TSPAN3: variants seen among roughly 807,000 people sequenced by gnomAD.
TSPAN3 encodes tetraspanin 3, also known as tetraspanin-3.
Under a neutral mutation model 31.1 loss-of-function variants are expected in TSPAN3, and 9 were observed. The observed-to-expected ratio is 0.29, with a 90% CI of 0.17 to 0.50. The LOEUF (loss-of-function observed/expected upper bound fraction) is 0.50, where lower values mean the gene tolerates loss of function less well. Ranked by LOEUF, TSPAN3 falls within the 20% of genes least tolerant of loss-of-function variation. The pLI is 0.98. For synonymous variants in TSPAN3, 129 were observed against 114.3 expected (o/e 1.13, Z -0.82); for missense variants, 252 against 313.5 (o/e 0.80, Z 1.48).
At chr15:77,048,574 T>C (rs1048066530) in intron 6 of TSPAN3, among the ~76,000 whole-genome samples, 2 of 152,206 alleles carry the variant, frequency 1.3e-5, no homozygotes, top group Admixed American at 6.5e-5. Context: ...AAGCTCTACA[T>C]AATAATTTCT....
chr15:77,058,315 C>A (rs2076780811), intron 1 of TSPAN3, among the ~76,000 whole-genome samples: 1 of 152,208 alleles, frequency 6.6e-6, no homozygotes, highest in Non-Finnish European at 1.5e-5. Context: ...TCTCATTACC[C>A]CTTGTGAACT....
At chr15:77,053,531 T>C (rs1437706018) in intron 4 of TSPAN3, among the ~76,000 whole-genome samples, 1 of 135,414 alleles carries the variant, frequency 7.4e-6, no homozygotes, top group East Asian at 2.4e-4. Flanking sequence ...CGGTAGTTTC[T>C]AACTAAGGAA....
chr15:77,070,991 G>T lies in TSPAN3; in HGVS notation c.-37C>A. ...CCCGCGAAGGCCCGGCCCGGAGAGCGGGGCTGCGCTCACCGAGAGAGCGGC... is the reference window on the plus strand; with the variant it reads ...CCCGCGAAGGCCCGGCCCGGAGAGCTGGGCTGCGCTCACCGAGAGAGCGGC... On this transcript the variant is annotated 5_prime_UTR_variant, in exon 1 of 7. Transcript: ENST00000267970. 1 of 1,371,708 alleles carries T rather than the reference G, an allele frequency of 7.3e-7. No individual in the cohort carries two copies. Among genetic ancestry groups the T allele is most frequent in the Non-Finnish European group, 9.5e-7 (1 of 1,052,748 alleles). 85.0% of individuals were successfully genotyped at this position (1,371,708 alleles called of 1,614,324 possible).
chr15:77,067,874 A>C (rs560431710), intron 1 of TSPAN3: 2 of 152,332 alleles, frequency 1.3e-5, no homozygotes, highest in East Asian at 1.9e-4. Flanking sequence ...AATCTTCTGA[A>C]ATCACACTTT....
Position 77,056,119 on chromosome 15 carries a change from A to G in TSPAN3, c.200T>C (p.Ile67Thr). The change falls in exon 2 of 7, where the codon ATT (isoleucine) becomes ACT (threonine). Residue 67 changes from isoleucine (I) to threonine (T), a missense_variant. Transcript: ENST00000267970. ...IIAVGALLFI[I>T]GLIGCCATIR... ...TGTGGCACAGCAGCCAATTAGCCCAATGATGAAAAGCAGGGCTCCTACAGC... is the reference window on the plus strand; with the variant it reads ...TGTGGCACAGCAGCCAATTAGCCCAGTGATGAAAAGCAGGGCTCCTACAGC... 6.2e-7 allele frequency: 1 copy of G among 1,612,736 alleles called. No individual in the cohort carries two copies. Among genetic ancestry groups the G allele is most frequent in the Non-Finnish European group, 8.5e-7 (1 of 1,179,584 alleles).
Position 77,055,977 on chromosome 15 carries a change from G to C in TSPAN3, c.255+87C>G. The C allele has an allele frequency of 8.6e-6, 13 of 1,518,302 alleles. No individual in the cohort carries two copies. In the South Asian group the frequency reaches 1.6e-4, roughly 18 times the overall value. The allele number at this position is 1,518,302 out of a possible 1,614,324, so 94.1% of individuals were successfully genotyped here. A position where few individuals can be genotyped will look rare whatever the true frequency, so the allele number is the denominator to read the frequency against. On this transcript the variant is annotated intron_variant, in intron 2 of 6. Coordinates refer to ENST00000267970, the MANE Select transcript of TSPAN3 (RefSeq NM_005724.6). The stretch of plus-strand genomic sequence containing the variant: ...TGCTAGAAGTTTAAATGTTAACTCT[G>C]TTCCAACTATAAGAGCCAAGGAGTC...
At position 77,054,200 on chromosome 15, in the gene TSPAN3, GC is replaced by G; in HGVS notation, c.409del (p.Ala137LeufsTer64). 1 of 1,613,812 alleles carries G rather than the reference GC, an allele frequency of 6.2e-7. No individual in the cohort carries two copies. The highest frequency in any genetic ancestry group is 8.5e-7 in the Non-Finnish European group (1 of 1,179,820). On this transcript the variant is annotated frameshift_variant, in exon 4 of 7. Transcript: ENST00000267970. LOFTEE classifies it high-confidence loss of function. The stretch of plus-strand genomic sequence containing the variant: ...CACCTGTCTCTGTACATAATCAATA[GC>G]CCGGCTAGCAGCATCAGGGTTGGTT... ...NGTNPDAASRAIDYVQRQLHC... is the reference protein window; with the variant it reads ...NGTNPDAASRXIDYVQRQLHC...
chr15:77,058,144 T>A (rs2076779609), intron 1 of TSPAN3, among the ~76,000 whole-genome samples: 1 of 152,192 alleles, frequency 6.6e-6, no homozygotes, highest in African/African-American at 2.4e-5. Flanking sequence ...TCCCCCTAAA[T>A]CTTACTTATT....
chr15:77,069,065 AG>A (rs1292317094), intron 1 of TSPAN3, among the ~76,000 whole-genome samples: 11 of 152,242 alleles, frequency 7.2e-5, no homozygotes, highest in Admixed American at 2.0e-4. Context: ...GCCAAGAAAT[AG>A]TATTCTTCTT....
Position 77,046,360 on chromosome 15 carries a change from T to A in TSPAN3, c.*475A>T, listed in dbSNP as rs1392349239. 1 of 401,368 alleles carries A rather than the reference T, an allele frequency of 2.5e-6. No homozygotes were observed. The highest frequency in any genetic ancestry group is 4.4e-6 in the Non-Finnish European group (1 of 227,494). 24.9% of individuals were successfully genotyped at this position (401,368 alleles called of 1,614,324 possible). On this transcript the variant is annotated 3_prime_UTR_variant, in exon 7 of 7. Coordinates refer to ENST00000267970, the MANE Select transcript of TSPAN3 (RefSeq NM_005724.6). Reference sequence around the variant, plus strand: ...CAGCTGCTATCTTATTGGACTACAGTAAATATTTTTTAAAAGGACACCAAT... The same window carrying A: ...CAGCTGCTATCTTATTGGACTACAGAAAATATTTTTTAAAAGGACACCAAT...
intron 1 of TSPAN3, among the ~76,000 whole-genome samples, chr15:77,056,572 G>A (rs528089893): frequency 2.2e-4 from 34 of 152,098 alleles, no homozygotes; most frequent in African/African-American, 7.5e-4. Flanking sequence ...CATCCAATAC[G>A]GATCAGTATG....
intron 6 of TSPAN3, among the ~76,000 whole-genome samples, chr15:77,052,147 G>T (rs748249293): frequency 1.3e-5 from 2 of 152,176 alleles, no homozygotes; most frequent in African/African-American, 2.4e-5. Flanking sequence ...ACAGTAAGAC[G>T]AGGAGTTCCC....
rs941408598 is a variant in TSPAN3, at chr15:77,053,501, A to T, written c.433-572T>A. On this transcript the variant is annotated intron_variant, in intron 4 of 6. Coordinates refer to ENST00000267970, the MANE Select transcript of TSPAN3 (RefSeq NM_005724.6). ...AAAAAAAAAAAAAAAAAAAGAAAAGAAAAGTACATTGCCTATAAGCGGTAG... is the reference window on the plus strand; with the variant it reads ...AAAAAAAAAAAAAAAAAAAGAAAAGTAAAGTACATTGCCTATAAGCGGTAG... Among the ~76,000 whole-genome samples the T allele has an allele frequency of 1.5e-4, 22 of 142,600 alleles. 2 individuals are homozygous for T. Among genetic ancestry groups the T allele is most frequent in the East Asian group, 1.0e-3 (5 of 5,000 alleles). 93.6% of individuals were successfully genotyped at this position (142,600 alleles called of 152,430 possible). A position where few individuals can be genotyped will look rare whatever the true frequency, so the allele number is the denominator to read the frequency against.
intron 1 of TSPAN3, among the ~76,000 whole-genome samples, chr15:77,060,030 T>C (rs1235559507): frequency 6.6e-6 from 1 of 152,184 alleles, no homozygotes; most frequent in Non-Finnish European, 1.5e-5. Context: ...ACAAATGCAA[T>C]GGAGGGCTGT....
chr15:77,049,650 A>G (rs1432847191), intron 6 of TSPAN3, among the ~76,000 whole-genome samples: 2 of 152,206 alleles, frequency 1.3e-5, no homozygotes, highest in Non-Finnish European at 2.9e-5. Context: ...AAGTCCTGTT[A>G]TTATAATTAA....
chr15:77,053,468 AAAAAAAAAAAAAAAAAAAAAAAAAAAG>A (rs1172919054), intron 4 of TSPAN3, among the ~76,000 whole-genome samples: 8 of 74,516 alleles, frequency 1.1e-4, no homozygotes, highest in African/African-American at 3.2e-4. Flanking sequence ...AAAAAAAAAA[AAAAAAAAAAAAAAAAAAAAAAAAAAAG>A]AAAAGAAAAG....
Position 77,056,047 on chromosome 15 carries a change from C to T in TSPAN3, c.255+17G>A, listed in dbSNP as rs1308684849. On this transcript the variant is annotated intron_variant, in intron 2 of 6. Coordinates refer to ENST00000267970, the MANE Select transcript of TSPAN3 (RefSeq NM_005724.6). The stretch of plus-strand genomic sequence containing the variant: ...CATAGACTAAATACTCCTGCATGTT[C>T]TCACAACACATCTTACCGTGGCAAG... 6.3e-7 allele frequency: 1 copy of T among 1,591,062 alleles called. No individual in the cohort carries two copies. The highest frequency in any genetic ancestry group is 1.3e-5 in the African/African-American group (1 of 74,350).
chr15:77,060,517 G>T (rs1471974852), intron 1 of TSPAN3, among the ~76,000 whole-genome samples: 1 of 152,144 alleles, frequency 6.6e-6, no homozygotes, highest in Non-Finnish European at 1.5e-5. Context: ...TGGAAGAGAG[G>T]TTCTAAGAAA....
chr15:77,052,992 T>A, intron 4 of TSPAN3, 63 bp from the exon 5 acceptor site: 1 of 1,487,950 alleles, frequency 6.7e-7, no homozygotes, highest in South Asian at 1.2e-5. Flanking sequence ...TTCCATGTAC[T>A]ACAGAGCTTT....
Sources: gnomAD v4.1 joint callset for allele counts (sites outside exome capture counted in the v4.1 genomes callset) on GRCh38, gnomAD v4.1.1 for gene constraint, MANE v1.5 for transcripts, NCBI Gene and HGNC (gene_info 2026-07-23, HGNC 2026-07-21) for gene names.